The following ARSB variants were observed in gnomAD, a reference collection of about 807,000 sequenced individuals.
The protein encoded by ARSB is N-acetylgalactosamine-4-sulfatase.
In ARSB, 41 loss-of-function variants were observed where a neutral mutation model predicts 50.9. The observed-to-expected ratio is 0.81, with a 90% CI of 0.63 to 1.04. ARSB has a LOEUF of 1.04. Ranked by LOEUF, ARSB falls within the 50% of genes least tolerant of loss-of-function variation. The probability of loss-of-function intolerance (pLI) is 0.00; values close to 1 mark genes in which losing one functional copy is unlikely to be tolerated. For synonymous variants in ARSB, 269 were observed against 284.8 expected, an observed-to-expected ratio of 0.94 and a Z score of 0.56; for missense variants, 672 against 693.3, an observed-to-expected ratio of 0.97 and a Z score of 0.35.
chr5:78,791,979 T>C (rs1482021849), intron 6 of ARSB, among the ~76,000 whole-genome samples: 1 of 151,968 alleles, frequency 6.6e-6, no homozygotes, highest in Non-Finnish European at 1.5e-5. Flanking sequence ...AGAAGAAGAA[T>C]TGTCTTGGGC....
intron 4 of ARSB, among the ~76,000 whole-genome samples, chr5:78,887,901 G>A (rs1312594231): frequency 6.6e-6 from 1 of 152,126 alleles, no homozygotes; most frequent in African/African-American, 2.4e-5. Flanking sequence ...CTTCCTATGA[G>A]TGTACATAGG....
chr5:78,866,929 G>A (rs1160258699), intron 5 of ARSB, among the ~76,000 whole-genome samples: 3 of 152,234 alleles, frequency 2.0e-5, no homozygotes, highest in African/African-American at 4.8e-5. Context: ...ACCAGGGAGT[G>A]CAAGACAGTG....
chr5:78,842,118 C>G (rs1745246053), intron 5 of ARSB, among the ~76,000 whole-genome samples: 1 of 152,044 alleles, frequency 6.6e-6, no homozygotes, highest in Non-Finnish European at 1.5e-5. Flanking sequence ...CACACACACA[C>G]ACATCAACTT....
At chr5:78,855,740 G>T (rs1456629167) in intron 5 of ARSB, among the ~76,000 whole-genome samples, 2 of 152,162 alleles carry the variant, frequency 1.3e-5, no homozygotes, top group Non-Finnish European at 2.9e-5. Context: ...GGACCCCAGT[G>T]CTCAGGTCTG....
At chr5:78,886,921 G>C (rs1748065467) in intron 4 of ARSB, among the ~76,000 whole-genome samples, 1 of 152,202 alleles carries the variant, frequency 6.6e-6, no homozygotes, top group East Asian at 1.9e-4. Context: ...ATGAACACTT[G>C]TTAAGCACTG....
intron 4 of ARSB, among the ~76,000 whole-genome samples, chr5:78,951,757 G>T (rs564381984): frequency 6.6e-6 from 1 of 152,190 alleles, no homozygotes; most frequent in East Asian, 1.9e-4. Flanking sequence ...GTAAACTATG[G>T]AAATAATTTT....
At chr5:78,969,272 A>C in intron 1 of ARSB, 80 bp from the exon 2 acceptor site, 1 of 1,448,046 alleles carries the variant, frequency 6.9e-7, no homozygotes, top group Non-Finnish European at 9.7e-7. Flanking sequence ...CTTCTACCTT[A>C]CTGATCATAT....
intron 1 of ARSB, among the ~76,000 whole-genome samples, chr5:78,977,362 C>T (rs1752714402): frequency 6.6e-6 from 1 of 152,160 alleles, no homozygotes; most frequent in Admixed American, 6.5e-5. Context: ...CCATGTTGGC[C>T]AGGCTGGTCT....
At chr5:78,873,691 T>A (rs983957756) in intron 5 of ARSB, among the ~76,000 whole-genome samples, 11 of 151,216 alleles carry the variant, frequency 7.3e-5, no homozygotes, top group Admixed American at 6.6e-4. Context: ...GAGACGGGGT[T>A]TCACCGTTTT....
intron 6 of ARSB, chr5:78,815,978 C>A: frequency 6.4e-7 from 1 of 1,552,992 alleles, no homozygotes; most frequent in Non-Finnish European, 8.7e-7. Flanking sequence ...CCTCTTCTGC[C>A]ACTTCTGCAG....
At chr5:78,853,371 G>T (rs1261983672) in intron 5 of ARSB, among the ~76,000 whole-genome samples, 1 of 152,208 alleles carries the variant, frequency 6.6e-6, no homozygotes, top group Non-Finnish European at 1.5e-5. Context: ...CAGAACAGCG[G>T]ATTTTCGTGA....
At chr5:78,945,037 A>T (rs552442949) in intron 4 of ARSB, among the ~76,000 whole-genome samples, 7 of 152,124 alleles carry the variant, frequency 4.6e-5, no homozygotes, top group South Asian at 4.1e-4. Flanking sequence ...CTGCTGTACT[A>T]GCAATGAGCG....
intron 5 of ARSB, among the ~76,000 whole-genome samples, chr5:78,867,060 C>CG (rs1746798064): frequency 6.6e-6 from 1 of 152,144 alleles, no homozygotes. Flanking sequence ...GGGTGACAGA[C>CG]GCACCTGGAA....
intron 1 of ARSB, among the ~76,000 whole-genome samples, chr5:78,978,191 T>G (rs908870359): frequency 6.6e-6 from 1 of 151,764 alleles, no homozygotes; most frequent in Non-Finnish European, 1.5e-5. Flanking sequence ...ATACAAAAAC[T>G]AGGTAGGCGT....
intron 3 of ARSB, among the ~76,000 whole-genome samples, chr5:78,962,242 G>A (rs1752017469): frequency 6.6e-6 from 1 of 152,214 alleles, no homozygotes; most frequent in African/African-American, 2.4e-5. Flanking sequence ...ACTTTACCTT[G>A]TTAAGTGTTA....
chr5:78,967,836 C>T (rs921066997), intron 2 of ARSB, among the ~76,000 whole-genome samples: 1 of 151,878 alleles, frequency 6.6e-6, no homozygotes, highest in Non-Finnish European at 1.5e-5. Context: ...ATATGTGTTC[C>T]TTTTTGGCTA....
At chr5:78,799,968 T>C (rs1040550534) in intron 6 of ARSB, among the ~76,000 whole-genome samples, 3 of 152,168 alleles carry the variant, frequency 2.0e-5, no homozygotes, top group African/African-American at 7.2e-5. Flanking sequence ...AGTGGGAATA[T>C]TTGTAAGCAA....
At chr5:78,921,258 T>C (rs1166814882) in intron 4 of ARSB, among the ~76,000 whole-genome samples, 2 of 152,170 alleles carry the variant, frequency 1.3e-5, no homozygotes, top group Non-Finnish European at 2.9e-5. Context: ...TCCAGCTCAC[T>C]TCCTTTAGAG....
chr5:78,825,323 T>C (rs1258221094), intron 6 of ARSB, among the ~76,000 whole-genome samples: 2 of 152,244 alleles, frequency 1.3e-5, no homozygotes, highest in Non-Finnish European at 2.9e-5. Context: ...TCCTTTCTTT[T>C]CTAAATTGGT....
Sources: gnomAD v4.1 joint callset for allele counts (sites outside exome capture counted in the v4.1 genomes callset) on GRCh38, gnomAD v4.1.1 for gene constraint, MANE v1.5 for transcripts, NCBI Gene and HGNC (gene_info 2026-07-23, HGNC 2026-07-21) for gene names.